The following MRC1 variants were observed in gnomAD, a reference collection of about 807,000 sequenced individuals.
MRC1 encodes the protein macrophage mannose receptor 1.
Under a neutral mutation model 102.9 loss-of-function variants are expected in MRC1, and 62 were observed. The observed-to-expected ratio is 0.60, with a 90% CI of 0.49 to 0.74. The LOEUF is 0.74. MRC1 is among the 30% of genes least tolerant of loss of function. The pLI is 0.00. For missense variants in MRC1, 1,237 were observed against 862.8 expected (o/e 1.43, Z -5.43); for synonymous variants, 457 against 298.4 (o/e 1.53, Z -5.48).
Position 17,878,293 on chromosome 10 carries a change from T to A in MRC1, c.2618+326T>A, listed in dbSNP as rs910474581. ...CAAATACTGAATTTATTTAAAAAAT[T>A]ATAATCCCATCTGGGATGATAACCT... On this transcript the variant is annotated intron_variant, in intron 18 of 29. Transcript: ENST00000569591. Among the ~76,000 whole-genome samples, 109 of 152,306 alleles carry A rather than the reference T, an allele frequency of 7.2e-4. 1 individual carries two copies. Among genetic ancestry groups the A allele is most frequent in the African/African-American group, 2.5e-3 (104 of 41,570 alleles).
At chr10:17,834,603 G>A (rs948542469) in intron 4 of MRC1, among the ~76,000 whole-genome samples, 17 of 152,206 alleles carry the variant, frequency 1.1e-4, no homozygotes, top group South Asian at 2.1e-4. Flanking sequence ...TAGTAGAGAC[G>A]GGGTTTCACT....
chr10:17,857,346 A>G (rs1175681938), intron 9 of MRC1, among the ~76,000 whole-genome samples: 6 of 152,224 alleles, frequency 3.9e-5, no homozygotes, highest in Admixed American at 2.0e-4. Context: ...GCATACGTTC[A>G]TATTCTTTGC....
At chr10:17,820,517 A>C (rs1838378935) in intron 1 of MRC1, among the ~76,000 whole-genome samples, 1 of 152,238 alleles carries the variant, frequency 6.6e-6, no homozygotes, top group Non-Finnish European at 1.5e-5. Context: ...TTCTCTTAAA[A>C]GACTGGTTGC....
intron 4 of MRC1, 24 bp from the exon 5 acceptor site, chr10:17,840,669 G>C: frequency 1.3e-6 from 1 of 780,064 alleles, no homozygotes; most frequent in South Asian, 1.3e-5. Context: ...TTGTTTGTTT[G>C]TTTTGCTTTC....
chr10:17,851,232 C>T (rs957798550), intron 7 of MRC1, among the ~76,000 whole-genome samples: 2 of 152,040 alleles, frequency 1.3e-5, no homozygotes, highest in Non-Finnish European at 2.9e-5. Flanking sequence ...GCCAAAGTTG[C>T]TTTGAAATTC....
intron 12 of MRC1, among the ~76,000 whole-genome samples, chr10:17,867,400 T>TC (rs1833291925): frequency 6.7e-6 from 1 of 148,156 alleles, no homozygotes. Flanking sequence ...TTCTTCTCCT[T>TC]CTTCTTCTTC....
intron 3 of MRC1, among the ~76,000 whole-genome samples, chr10:17,828,301 C>T (rs1236369218): frequency 1.3e-5 from 2 of 151,456 alleles, no homozygotes; most frequent in African/African-American, 2.5e-5. Flanking sequence ...TGGTCTCGAT[C>T]TGCTAACCTC....
intron 9 of MRC1, among the ~76,000 whole-genome samples, chr10:17,859,920 A>G (rs1833156956): frequency 6.6e-6 from 1 of 152,172 alleles, no homozygotes; most frequent in Admixed American, 6.5e-5. Context: ...CCCCAGGTAG[A>G]TGACAAGACA....
intron 28 of MRC1, 105 bp from the exon 29 acceptor site, chr10:17,909,201 A>G: frequency 1.4e-6 from 1 of 721,490 alleles, no homozygotes; most frequent in Non-Finnish European, 2.6e-6. Context: ...ATCAATCAAC[A>G]CACATCAAAT....
chr10:17,885,175 C>A, intron 21 of MRC1, 94 bp from the exon 22 acceptor site: 4 of 767,660 alleles, frequency 5.2e-6, no homozygotes, highest in Non-Finnish European at 9.7e-6. Context: ...AAGTCACATG[C>A]TAAATATTTT....
At position 17,910,406 on chromosome 10, in the gene MRC1, A is replaced by G. The variant is rs1244794809; in HGVS notation, c.4312A>G (p.Thr1438Ala). 1 of 780,784 alleles carries G rather than the reference A, an allele frequency of 1.3e-6. No homozygotes were observed. The highest frequency in any genetic ancestry group is 2.4e-6 in the Non-Finnish European group (1 of 417,932). 48.4% of individuals were successfully genotyped at this position (780,784 alleles called of 1,614,324 possible). A position where few individuals can be genotyped will look rare whatever the true frequency, so the allele number is the denominator to read the frequency against. Residue 1438 changes from threonine to alanine, a missense_variant, in exon 30 of 30, where the codon ACT becomes GCT. Coordinates refer to ENST00000569591, the MANE Select transcript of MRC1 (RefSeq NM_002438.4). Reference sequence around the variant, plus strand: ...TTTTAACAGTCAGTCAAGCCCAGGAACTAGTGATATGAAAGATCTCGTGGG... The same window carrying G: ...TTTTAACAGTCAGTCAAGCCCAGGAGCTAGTGATATGAAAGATCTCGTGGG... ...LYFNSQSSPG[T>A]SDMKDLVGNI... is the part of the protein sequence containing the mutation.
At chr10:17,882,519 T>C (rs1257679153) in intron 21 of MRC1, among the ~76,000 whole-genome samples, 1 of 152,144 alleles carries the variant, frequency 6.6e-6, no homozygotes, top group Admixed American at 6.5e-5. Flanking sequence ...GGTTCAGAGA[T>C]TCTTTGACTT....
At chr10:17,882,706 G>A (rs1178274804) in intron 21 of MRC1, among the ~76,000 whole-genome samples, 6 of 152,108 alleles carry the variant, frequency 3.9e-5, no homozygotes, top group East Asian at 3.9e-4. Flanking sequence ...AGCTTTTACC[G>A]AGAACATTTG....
At chr10:17,831,572 A>G (rs1838573122) in intron 3 of MRC1, among the ~76,000 whole-genome samples, 1 of 151,344 alleles carries the variant, frequency 6.6e-6, no homozygotes, top group Non-Finnish European at 1.5e-5. Context: ...GCAATTAGAT[A>G]CAGTTAAGAG....
intron 5 of MRC1, among the ~76,000 whole-genome samples, chr10:17,844,032 A>G (rs938989173): frequency 1.3e-5 from 2 of 152,204 alleles, no homozygotes; most frequent in Non-Finnish European, 2.9e-5. Flanking sequence ...ATCAATGCCT[A>G]CATTCATCCC....
Position 17,813,172 on chromosome 10 carries a change from C to T in MRC1, c.61+3646C>T, listed in dbSNP as rs1025355190. Among the ~76,000 whole-genome samples, 23 of 152,242 alleles carry T rather than the reference C, an allele frequency of 1.5e-4. 1 individual carries two copies. The highest frequency in any genetic ancestry group is 5.5e-4 in the African/African-American group (23 of 41,544). Reference sequence around the variant, plus strand: ...TTAGCAGGTAGATGTAGATCCAGGACTTTGCTCAACGGCTTGTACTTTTCC... The same window carrying T: ...TTAGCAGGTAGATGTAGATCCAGGATTTTGCTCAACGGCTTGTACTTTTCC... On this transcript the variant is annotated intron_variant, in intron 1 of 29. Transcript: ENST00000569591.
intron 4 of MRC1, among the ~76,000 whole-genome samples, chr10:17,838,963 A>G (rs1206713535): frequency 6.6e-6 from 1 of 152,210 alleles, no homozygotes; most frequent in African/African-American, 2.4e-5. Flanking sequence ...TTATTTGTGG[A>G]CAACACCCAT....
intron 1 of MRC1, among the ~76,000 whole-genome samples, 196 bp downstream of exon 1, chr10:17,809,722 G>A (rs898930636): frequency 5.0e-4 from 76 of 152,204 alleles, no homozygotes; most frequent in African/African-American, 1.7e-3. Flanking sequence ...GTTGGAGGAG[G>A]GAGGAGGATG....
chr10:17,827,472 C>T (rs1291349901), intron 2 of MRC1, 70 bp from the exon 3 acceptor site: 14 of 641,486 alleles, frequency 2.2e-5, no homozygotes, highest in South Asian at 1.5e-4. Flanking sequence ...CTTCAGTAGG[C>T]TTCTTATTGG....
Sources: gnomAD v4.1 joint callset for allele counts (sites outside exome capture counted in the v4.1 genomes callset) on GRCh38, gnomAD v4.1.1 for gene constraint, MANE v1.5 for transcripts, NCBI Gene and HGNC (gene_info 2026-07-23, HGNC 2026-07-21) for gene names.